MYOC: variants seen among roughly 807,000 people sequenced by gnomAD.
MYOC encodes the protein juvenile-onset open-angle glaucoma 1.
A neutral mutation model predicts 28.2 loss-of-function variants in MYOC; 29 were observed. The ratio of observed to expected loss-of-function variants is 1.03; its 90% confidence interval spans 0.77 to 1.40. The LOEUF is 1.40. Ranked by LOEUF, MYOC falls within the 40% of genes most tolerant of loss-of-function variation. MYOC has a pLI of 0.00. For synonymous variants in MYOC, 240 were observed against 245.6 expected (o/e 0.98, Z 0.21); for missense variants, 569 against 620.6 (o/e 0.92, Z 0.88).
chr1:171,650,626 C>A (rs938412611), intron 1 of MYOC, among the ~76,000 whole-genome samples: 3 of 152,150 alleles, frequency 2.0e-5, no homozygotes, highest in East Asian at 1.9e-4. Flanking sequence ...GGTTTTCTAA[C>A]CCCATAGCTA....
At chr1:171,648,594 A>G (rs1427705360) in intron 1 of MYOC, among the ~76,000 whole-genome samples, 1 of 150,414 alleles carries the variant, frequency 6.6e-6, no homozygotes, top group Non-Finnish European at 1.5e-5. Context: ...GTAATAACCA[A>G]CTCTAATTTA....
At chr1:171,647,852 G>A (rs970904530) in intron 1 of MYOC, among the ~76,000 whole-genome samples, 11 of 152,012 alleles carry the variant, frequency 7.2e-5, no homozygotes, top group East Asian at 1.9e-4. Context: ...CTCAGCCACC[G>A]TGGCCCAGCT....
chr1:171,652,573 A>G lies in MYOC; in HGVS notation c.39T>C (p.Pro13=), dbSNP rs12082573. ...GCAGCAGCTGGACAGCTGGCATCTC[A>G]GGCCCAAAGCTGCAGCAACGTGCAC... is the stretch of plus-strand genomic sequence containing the variant. The part of the protein sequence containing the change: ...FFCARCCSFG[P]EMPAVQLLLL... Residue 13 remains proline, a synonymous_variant, in exon 1 of 3, where the codon CCT becomes CCC. Coordinates refer to ENST00000037502, the MANE Select transcript of MYOC (RefSeq NM_000261.2). 2 of 1,614,184 alleles carry G rather than the reference A, an allele frequency of 1.2e-6. No homozygotes were observed. Among genetic ancestry groups the G allele is most frequent in the South Asian group, 2.2e-5 (2 of 91,082 alleles).
rs184921217 is a variant in MYOC, at chr1:171,638,094, T to C, written c.730+503A>G. Among the ~76,000 whole-genome samples the C allele has an allele frequency of 1.3e-3, 191 of 152,306 alleles. 1 individual carries two copies. Among genetic ancestry groups the C allele is most frequent in the African/African-American group, 4.1e-3 (170 of 41,572 alleles). On this transcript the variant is annotated intron_variant, in intron 2 of 2. Transcript: ENST00000037502. ...GTCAAAGTTTCTGGAAATCACAGTATTAGTCATAAAGTTGGACTTTCAGGG... is the reference window on the plus strand; with the variant it reads ...GTCAAAGTTTCTGGAAATCACAGTACTAGTCATAAAGTTGGACTTTCAGGG...
chr1:171,651,894 A>G, intron 1 of MYOC, 114 bp downstream of exon 1: 1 of 1,425,966 alleles, frequency 7.0e-7, no homozygotes, highest in Non-Finnish European at 9.8e-7. Context: ...GTCTTGTGCT[A>G]GCTGTGCAGT....
Position 171,638,508 on chromosome 1 carries a change from G to A in MYOC, c.730+89C>T, listed in dbSNP as rs191583205. ...GGAAGTTAATTTCCCCCTTGGGTGG[G>A]CATTTACCCTATACTGATTCTCTGA... On this transcript the variant is annotated intron_variant, in intron 2 of 2. Coordinates refer to ENST00000037502, the MANE Select transcript of MYOC (RefSeq NM_000261.2). 2.0e-6 allele frequency: 3 copies of A among 1,498,912 alleles called. No individual in the cohort carries two copies. The African/African-American group carries it at 4.2e-5, about 21-fold the overall frequency. The allele number at this position is 1,498,912 out of a possible 1,614,324, so 92.9% of individuals were successfully genotyped here.
intron 1 of MYOC, among the ~76,000 whole-genome samples, chr1:171,648,058 G>A (rs1327315063): frequency 6.6e-6 from 1 of 151,736 alleles, no homozygotes; most frequent in Non-Finnish European, 1.5e-5. Flanking sequence ...GCGTGGTAGT[G>A]TGCACCTGTA....
At chr1:171,641,784 T>C (rs1653081052) in intron 1 of MYOC, among the ~76,000 whole-genome samples, 1 of 152,172 alleles carries the variant, frequency 6.6e-6, no homozygotes. Flanking sequence ...TTCAGGACAG[T>C]GGGAGGAAAG....
chr1:171,651,350 C>CCACACA (rs71107331), intron 1 of MYOC, among the ~76,000 whole-genome samples: 7 of 146,788 alleles, frequency 4.8e-5, no homozygotes, highest in Non-Finnish European at 1.0e-4. Flanking sequence ...CGCACCCCCC[C>CCACACA]CACACACACA....
rs548121911 is a variant in MYOC at position 171,635,594 on chromosome 1, T to C, written c.*331A>G. The stretch of plus-strand genomic sequence containing the variant: ...TTTTTATTGTGGCTTGTGGTAACCA[T>C]GTAACATGCAAGAGCAATGGTTTTC... On this transcript the variant is annotated 3_prime_UTR_variant, in exon 3 of 3. Coordinates refer to ENST00000037502, the MANE Select transcript of MYOC (RefSeq NM_000261.2). 8.1e-4 allele frequency: 365 copies of C among 450,192 alleles called. 5 individuals are homozygous for C. The South Asian group carries it at 8.7e-3, about 11-fold the overall frequency. 27.9% of individuals were successfully genotyped at this position (450,192 alleles called of 1,614,324 possible).
Position 171,652,047 on chromosome 1 carries a change from G to A in MYOC, c.565C>T (p.Arg189Ter), listed in dbSNP as rs562604064. 8 of 1,614,186 alleles carry A rather than the reference G, an allele frequency of 5.0e-6. No homozygotes were observed. Among genetic ancestry groups the A allele is most frequent in the Non-Finnish European group, 6.8e-6 (8 of 1,180,042 alleles). Residue 189 changes from arginine (R) to a stop codon, truncating the protein, a stop_gained, in exon 1 of 3, where the codon CGA becomes TGA. Coordinates refer to ENST00000037502, the MANE Select transcript of MYOC (RefSeq NM_000261.2). LOFTEE classifies it high-confidence loss of function. ...GGTGGCACAGCCCGAGCAGTGTCTCGGGTCTGGGGACACTGGCCCCTTCTC... is the reference window on the plus strand; with the variant it reads ...GGTGGCACAGCCCGAGCAGTGTCTCAGGTCTGGGGACACTGGCCCCTTCTC... Reference protein sequence around the residue: ...RLRRGQCPQTRDTARAVPPGS... With the variant: ...RLRRGQCPQT
chr1:171,640,504 T>C (rs1486888540), intron 1 of MYOC, among the ~76,000 whole-genome samples: 3 of 152,086 alleles, frequency 2.0e-5, no homozygotes, highest in Admixed American at 6.6e-5. Flanking sequence ...GAAGCCAAGG[T>C]AGACAGATCA....
At chr1:171,639,651 T>G (rs556182689) in intron 1 of MYOC, among the ~76,000 whole-genome samples, 9 of 19,358 alleles carry the variant, frequency 4.6e-4, no homozygotes, top group African/African-American at 1.8e-3. Context: ...TCTCAAGGTC[T>G]CAAAAAAAAA....
At chr1:171,646,489 G>GTTTTTTTTT in intron 1 of MYOC, among the ~76,000 whole-genome samples, 1 of 135,776 alleles carries the variant, frequency 7.4e-6, no homozygotes, top group Middle Eastern at 3.7e-3. Flanking sequence ...ATTTTTTAAG[G>GTTTTTTTTT]TTTTTTTTTT....
Position 171,652,321 on chromosome 1 carries a change from G to C in MYOC, c.291C>G (p.Ser97Arg), listed in dbSNP as rs1391830390. The C allele has an allele frequency of 6.2e-7, 1 of 1,610,182 alleles. No individual in the cohort carries two copies. The highest frequency in any genetic ancestry group is 1.3e-5 in the African/African-American group (1 of 74,850). Residue 97 changes from serine (S) to arginine (R), a missense_variant, in exon 1 of 3, where the codon AGC becomes AGG. Coordinates refer to ENST00000037502, the MANE Select transcript of MYOC (RefSeq NM_000261.2). ...ATKARLSSLE[S>R]LLHQLTLDQA... The stretch of plus-strand genomic sequence containing the variant: ...GGTCCAAGGTCAATTGGTGGAGGAG[G>C]CTCTCCAGGGAGCTGAGTCGAGCTT...
Position 171,652,616 on chromosome 1 carries a change from G to A in MYOC, c.-5C>T. On this transcript the variant is annotated 5_prime_UTR_variant, in exon 1 of 3. Coordinates refer to ENST00000037502, the MANE Select transcript of MYOC (RefSeq NM_000261.2). ...ACGTGCACAGAAGAACCTCATTGCA[G>A]AGGCTTGGTGAGGCTTCCTCTGGAA... 6.2e-7 allele frequency: 1 copy of A among 1,613,974 alleles called. No individual in the cohort carries two copies. The highest frequency in any genetic ancestry group is 1.1e-5 in the South Asian group (1 of 91,068).
rs772087054 is a variant in MYOC, at chr1:171,636,234, G to C, written c.1206C>G (p.Val402=). 4.3e-6 allele frequency: 7 copies of C among 1,614,024 alleles called. 1 individual carries two copies. In the South Asian group the frequency reaches 5.5e-5, roughly 13 times the overall value. ...GATTCTCTGGGTTCAGTTTGGAGAG[G>C]ACAATGGCACCTTTGGCCTCATCGG... is the stretch of plus-strand genomic sequence containing the variant. ...YSTDEAKGAI[V]LSKLNPENLE... is the part of the protein sequence containing the mutation. The change falls in exon 3 of 3, where the codon GTC becomes GTG. Residue 402 remains valine, a synonymous_variant. Coordinates refer to ENST00000037502, the MANE Select transcript of MYOC (RefSeq NM_000261.2).
At chr1:171,646,055 G>C (rs1188433919) in intron 1 of MYOC, among the ~76,000 whole-genome samples, 2 of 152,242 alleles carry the variant, frequency 1.3e-5, no homozygotes, top group Non-Finnish European at 2.9e-5. Context: ...GCTTCTTCTA[G>C]GTCATGTCAG....
chr1:171,643,214 C>A (rs1261136456), intron 1 of MYOC, among the ~76,000 whole-genome samples: 2 of 152,162 alleles, frequency 1.3e-5, no homozygotes, highest in African/African-American at 4.8e-5. Flanking sequence ...AGACCAGTAC[C>A]AGCTGCTTCC....
Sources: allele counts gnomAD v4.1 joint callset (sites outside exome capture counted in the v4.1 genomes callset), GRCh38; gene constraint gnomAD v4.1.1; transcripts MANE v1.5; gene names NCBI Gene and HGNC (gene_info 2026-07-23, HGNC 2026-07-21).